The following FAM135B variants were observed in gnomAD, a reference collection of about 807,000 sequenced individuals.
FAM135B encodes family with sequence similarity 135 member B.
FAM135B carries 43 observed loss-of-function variants against 127.7 expected under a neutral mutation model. That is an observed-to-expected ratio of 0.34 (90% CI 0.26 to 0.43). The LOEUF is 0.43. Among genes scored for constraint, FAM135B ranks in the 20% least tolerant of loss-of-function variants. The pLI is 1.00. For missense variants in FAM135B, 1,558 were observed against 1,725.6 expected (o/e 0.90, Z 1.72); for synonymous variants, 670 against 665.1 (o/e 1.01, Z -0.11).
chr8:138,289,646 C>G (rs1189068479), intron 3 of FAM135B, among the ~76,000 whole-genome samples: 1 of 152,172 alleles, frequency 6.6e-6, no homozygotes, highest in Non-Finnish European at 1.5e-5. Flanking sequence ...CTTTATAGAC[C>G]TACTTTTGGA....
intron 1 of FAM135B, among the ~76,000 whole-genome samples, chr8:138,453,769 C>T (rs1406336816): frequency 6.6e-6 from 1 of 152,120 alleles, no homozygotes; most frequent in Non-Finnish European, 1.5e-5. Flanking sequence ...ATCTCAGCAC[C>T]TTACATGTTA....
At chr8:138,460,887 C>T (rs1837083450) in intron 1 of FAM135B, among the ~76,000 whole-genome samples, 1 of 152,120 alleles carries the variant, frequency 6.6e-6, no homozygotes, top group African/African-American at 2.4e-5. Flanking sequence ...TGAACCTCAG[C>T]TCTTTATAGA....
intron 1 of FAM135B, among the ~76,000 whole-genome samples, chr8:138,429,020 A>G (rs974211774): frequency 6.6e-6 from 1 of 152,156 alleles, no homozygotes; most frequent in African/African-American, 2.4e-5. Flanking sequence ...TATCTTTTGT[A>G]GTGGGGGAGA....
At chr8:138,133,836 AC>A (rs749643859) in intron 19 of FAM135B, among the ~76,000 whole-genome samples, 2 of 150,664 alleles carry the variant, frequency 1.3e-5, no homozygotes, top group East Asian at 1.9e-4. Context: ...GGACAGCTGG[AC>A]CCCCCCATCA....
At chr8:138,209,121 T>G (rs1353525941) in intron 7 of FAM135B, among the ~76,000 whole-genome samples, 1 of 152,032 alleles carries the variant, frequency 6.6e-6, no homozygotes, top group Non-Finnish European at 1.5e-5. Context: ...AATTGCTGGG[T>G]TTTTTTGGTG....
chr8:138,177,201 TG>T, intron 11 of FAM135B, 145 bp downstream of exon 11: 1 of 749,480 alleles, frequency 1.3e-6, no homozygotes, highest in Non-Finnish European at 2.1e-6. Flanking sequence ...CTGACTCTTT[TG>T]CCTGCAGAGG....
chr8:138,235,544 A>G (rs1324197456), intron 7 of FAM135B, among the ~76,000 whole-genome samples: 2 of 152,216 alleles, frequency 1.3e-5, no homozygotes, highest in Non-Finnish European at 2.9e-5. Context: ...ATTCAAAGCA[A>G]GGGCAAAGTG....
At chr8:138,379,920 T>C (rs79393361) in intron 1 of FAM135B, among the ~76,000 whole-genome samples, 1 of 152,182 alleles carries the variant, frequency 6.6e-6, no homozygotes, top group Non-Finnish European at 1.5e-5. Context: ...TGCTTTGGGA[T>C]TGAGCCTTGA....
At chr8:138,183,121 T>TG (rs947605605) in intron 9 of FAM135B, among the ~76,000 whole-genome samples, 21 of 66,596 alleles carry the variant, frequency 3.2e-4, no homozygotes, top group African/African-American at 4.8e-4. Flanking sequence ...ACAAGGGGGG[T>TG]GGGGGGGCGG....
chr8:138,178,705 A>AG lies in FAM135B; in HGVS notation c.874-16_874-15insC. On this transcript the variant is annotated splice_polypyrimidine_tract_variant and intron_variant, in intron 9 of 19. Coordinates refer to ENST00000395297, the MANE Select transcript of FAM135B (RefSeq NM_015912.4). Reference sequence around the variant, plus strand: ...TTGTTCAACATCTGGAGAGGCAAAAAAGGTGGTATTCAAGGCTCCTGACTC... The same window carrying AG: ...TTGTTCAACATCTGGAGAGGCAAAAAGAGGTGGTATTCAAGGCTCCTGACTC... The AG allele has an allele frequency of 6.2e-7, 1 of 1,612,832 alleles. No homozygotes were observed. The highest frequency in any genetic ancestry group is 8.5e-7 in the Non-Finnish European group (1 of 1,179,318).
intron 2 of FAM135B, 70 bp downstream of exon 2, chr8:138,367,837 T>C (rs2131215621): frequency 8.3e-7 from 1 of 1,208,572 alleles, no homozygotes; most frequent in Non-Finnish European, 1.2e-6. Context: ...CACCTCCACC[T>C]TCTTCCACGG....
Position 138,178,617 on chromosome 8 carries a change from G to A in FAM135B, c.947C>T (p.Thr316Ile). ...DLAWLTSHMM[T>I]LWTQFLDTVT... ...TGTGTCCAGGAACTGGGTCCACAGAGTCATCATGTGGGACGTGAGCCAGGC... is the reference window on the plus strand; with the variant it reads ...TGTGTCCAGGAACTGGGTCCACAGAATCATCATGTGGGACGTGAGCCAGGC... Residue 316 changes from threonine (T) to isoleucine (I), a missense_variant, in exon 10 of 20, where the codon ACT becomes ATT. Physicochemically the swap from Thr to Ile is moderately conservative, Grantham distance 89. Around this residue, in one of 5 missense-constraint regions of FAM135B, gnomAD observed 115 missense variants for 171.1 expected, o/e 0.67. Coordinates refer to ENST00000395297, the MANE Select transcript of FAM135B (RefSeq NM_015912.4). 6.2e-7 allele frequency: 1 copy of A among 1,614,050 alleles called. No individual in the cohort carries two copies. Among genetic ancestry groups the A allele is most frequent in the Non-Finnish European group, 8.5e-7 (1 of 1,179,944 alleles).
chr8:138,301,332 T>G (rs1825872737), intron 3 of FAM135B, among the ~76,000 whole-genome samples: 1 of 152,216 alleles, frequency 6.6e-6, no homozygotes, highest in South Asian at 2.1e-4. Flanking sequence ...GCGGTCGTCT[T>G]GCCTCTTTTG....
intron 3 of FAM135B, among the ~76,000 whole-genome samples, chr8:138,306,406 G>A (rs1346191951): frequency 3.7e-5 from 1 of 27,214 alleles, no homozygotes; most frequent in Non-Finnish European, 2.2e-4. Flanking sequence ...CTACACTCCA[G>A]TCTGGGAGAC....
At chr8:138,171,425 T>A (rs1208468361) in intron 11 of FAM135B, among the ~76,000 whole-genome samples, 1 of 152,188 alleles carries the variant, frequency 6.6e-6, no homozygotes. Flanking sequence ...GTTTTTACAA[T>A]GCCTATCACC....
intron 1 of FAM135B, among the ~76,000 whole-genome samples, chr8:138,461,226 T>C (rs927599081): frequency 6.6e-6 from 1 of 152,104 alleles, no homozygotes; most frequent in Non-Finnish European, 1.5e-5. Context: ...AGCTGAGATA[T>C]GCAGGGGTGT....
At chr8:138,393,910 A>G (rs535342496) in intron 1 of FAM135B, among the ~76,000 whole-genome samples, 3 of 152,266 alleles carry the variant, frequency 2.0e-5, no homozygotes, top group Non-Finnish European at 4.4e-5. Context: ...AGCACTCCAT[A>G]TGCCTAAGAG....
chr8:138,185,434 C>T lies in FAM135B; in HGVS notation c.874-6744G>A, dbSNP rs78879586. Among the ~76,000 whole-genome samples the T allele has an allele frequency of 1.6e-4, 25 of 152,266 alleles. No individual in the cohort carries two copies. The East Asian group carries it at 3.9e-3, about 24-fold the overall frequency. Reference sequence around the variant, plus strand: ...GGGATCTGAGTGTCCTCTAGAATCACGGACTTCAAAAGGATGTTAAATGAA... The same window carrying T: ...GGGATCTGAGTGTCCTCTAGAATCATGGACTTCAAAAGGATGTTAAATGAA... On this transcript the variant is annotated intron_variant, in intron 9 of 19. Coordinates refer to ENST00000395297, the MANE Select transcript of FAM135B (RefSeq NM_015912.4).
chr8:138,468,134 G>A (rs777907443), intron 1 of FAM135B, among the ~76,000 whole-genome samples: 2 of 152,156 alleles, frequency 1.3e-5, no homozygotes, highest in Non-Finnish European at 2.9e-5. Context: ...AACATTTCTG[G>A]ATGACTGAAA....
Sources: allele counts gnomAD v4.1 joint callset (sites outside exome capture counted in the v4.1 genomes callset), GRCh38; gene constraint gnomAD v4.1.1; regional missense constraint gnomAD v4.1.1; transcripts MANE v1.5; gene names NCBI Gene and HGNC (gene_info 2026-07-23, HGNC 2026-07-21).